The following ANTXR2 variants were observed in gnomAD, a reference collection of about 807,000 sequenced individuals.
ANTXR2 encodes anthrax toxin receptor 2.
Under a neutral mutation model 73.7 loss-of-function variants are expected in ANTXR2, and 44 were observed. That is an observed-to-expected ratio of 0.60 (90% CI 0.47 to 0.77). The LOEUF (loss-of-function observed/expected upper bound fraction) is 0.77. Among genes scored for constraint, ANTXR2 ranks in the 30% least tolerant of loss-of-function variants. The probability of loss-of-function intolerance (pLI) is 0.00; values close to 1 mark genes in which losing one functional copy is unlikely to be tolerated. For synonymous variants in ANTXR2, 217 were observed against 205.9 expected (o/e 1.05, Z -0.46); for missense variants, 604 against 592.5 (o/e 1.02, Z -0.20).
chr4:80,046,528 A>AT (rs762696961), intron 7 of ANTXR2, among the ~76,000 whole-genome samples: 3 of 151,736 alleles, frequency 2.0e-5, no homozygotes, highest in Non-Finnish European at 2.9e-5. Context: ...TCATGGTATA[A>AT]TTTTCACTCT....
chr4:79,977,520 G>A, intron 16 of ANTXR2, 101 bp downstream of exon 16: 1 of 1,507,968 alleles, frequency 6.6e-7, no homozygotes, highest in East Asian at 2.5e-5. Flanking sequence ...CCTTCCTCAA[G>A]TGCAATAGGG....
At chr4:80,049,059 G>A (rs7668399) in intron 7 of ANTXR2, among the ~76,000 whole-genome samples, 71,565 of 151,244 alleles carry the variant, frequency 0.47, 17,339 homozygotes, top group Non-Finnish European at 0.52. Context: ...TTTGGACAAG[G>A]GTTATTTATA....
Position 80,031,693 on chromosome 4 carries a change from C to A in ANTXR2, c.797-1G>T. 6.8e-7 allele frequency: 1 copy of A among 1,464,916 alleles called. No homozygotes were observed. The highest frequency in any genetic ancestry group is 9.0e-7 in the Non-Finnish European group (1 of 1,110,700). The allele number at this position is 1,464,916 out of a possible 1,614,324, so 90.7% of individuals were successfully genotyped here. A position where few individuals can be genotyped will look rare whatever the true frequency, so the allele number is the denominator to read the frequency against. ...AGCTGTACACTTACTGGTTTTACAC[C>A]TAGAAAATAAAATGCCACTGAATTA... On this transcript the variant is annotated splice_acceptor_variant, in intron 9 of 16. Coordinates refer to ENST00000403729, the MANE Select transcript of ANTXR2 (RefSeq NM_058172.6). LOFTEE classifies it high-confidence loss of function.
intron 16 of ANTXR2, among the ~76,000 whole-genome samples, chr4:79,932,115 C>T (rs1223453730): frequency 6.6e-6 from 1 of 152,106 alleles, no homozygotes; most frequent in Non-Finnish European, 1.5e-5. Flanking sequence ...CTTGATATAT[C>T]TTGTTCACTG....
At chr4:80,030,609 A>C (rs1252631358) in intron 10 of ANTXR2, among the ~76,000 whole-genome samples, 1 of 152,114 alleles carries the variant, frequency 6.6e-6, no homozygotes, top group Admixed American at 6.6e-5. Flanking sequence ...TTTAAAACAG[A>C]AAGCTGATAC....
Position 79,978,030 on chromosome 4 carries a change from T to C in ANTXR2, c.1324A>G (p.Thr442Ala). The part of the protein sequence containing the change: ...RPKPTHQPPQ[T>A]KWYTPIKGRL... Reference sequence around the variant, plus strand: ...ACCTTAATTGGGGTGTACCATTTTGTCTGAGGAGGCTGGTGTGTGGGTTTG... The same window carrying C: ...ACCTTAATTGGGGTGTACCATTTTGCCTGAGGAGGCTGGTGTGTGGGTTTG... The change falls in exon 15 of 17, where the codon ACA becomes GCA. Residue 442 changes from threonine (T) to alanine (A), a missense_variant. Thr to Ala is a moderately conservative substitution (Grantham distance 58). Transcript: ENST00000403729. The C allele has an allele frequency of 6.2e-7, 1 of 1,603,308 alleles. No individual in the cohort carries two copies. The highest frequency in any genetic ancestry group is 8.5e-7 in the Non-Finnish European group (1 of 1,176,648).
At chr4:79,999,660 T>G (rs1001446996) in intron 12 of ANTXR2, among the ~76,000 whole-genome samples, 4 of 152,092 alleles carry the variant, frequency 2.6e-5, no homozygotes, top group Non-Finnish European at 4.4e-5. Context: ...GAAATATGTA[T>G]GTTTCTTTAT....
intron 3 of ANTXR2, among the ~76,000 whole-genome samples, chr4:80,056,589 T>A (rs962867995): frequency 2.0e-5 from 3 of 151,890 alleles, no homozygotes; most frequent in African/African-American, 4.8e-5. Context: ...CCCTTGAACA[T>A]AGTAGGTACT....
In ANTXR2 at chr4:79,924,365, C is replaced by T. The variant is rs546962493; in HGVS notation, c.1429-16898G>A. On this transcript the variant is annotated intron_variant, in intron 16 of 16. Transcript: ENST00000403729. ...AAGGCCAGGTGCAAAGTGACTCAAG[C>T]CTGTAATTCCAGAACTTTGGGAGGC... Among the ~76,000 whole-genome samples the T allele has an allele frequency of 2.6e-3, 388 of 152,140 alleles. 3 individuals carry two copies. Among genetic ancestry groups the T allele is most frequent in the African/African-American group, 8.7e-3 (363 of 41,528 alleles).
intron 3 of ANTXR2, among the ~76,000 whole-genome samples, chr4:80,065,658 A>G (rs1188785145): frequency 6.6e-6 from 1 of 152,226 alleles, no homozygotes; most frequent in East Asian, 1.9e-4. Context: ...ATGCATTTAC[A>G]TAGTACCGGA....
chr4:80,037,477 T>C (rs915933519), intron 7 of ANTXR2, among the ~76,000 whole-genome samples: 1 of 152,160 alleles, frequency 6.6e-6, no homozygotes, highest in African/African-American at 2.4e-5. Context: ...ATTTTGTGAT[T>C]AGAAAACAAA....
intron 16 of ANTXR2, among the ~76,000 whole-genome samples, chr4:79,919,865 T>TA (rs1727507232): frequency 5.6e-5 from 1 of 17,850 alleles, no homozygotes; most frequent in Non-Finnish European, 1.0e-4. Flanking sequence ...AATACATATT[T>TA]TATATATATA....
At chr4:80,060,311 A>C (rs546575838) in intron 3 of ANTXR2, among the ~76,000 whole-genome samples, 1 of 152,306 alleles carries the variant, frequency 6.6e-6, no homozygotes, top group South Asian at 2.1e-4. Flanking sequence ...GGTCAGGGTT[A>C]TCACTGGCCT....
intron 7 of ANTXR2, 136 bp from the exon 8 acceptor site, chr4:80,036,168 C>T (rs931471372): frequency 7.3e-5 from 51 of 695,910 alleles, no homozygotes; most frequent in Middle Eastern, 3.9e-4. Flanking sequence ...TTAACTATAG[C>T]GTGTACAGCT....
chr4:79,946,744 A>C (rs1392665539), intron 16 of ANTXR2, among the ~76,000 whole-genome samples: 1 of 152,176 alleles, frequency 6.6e-6, no homozygotes, highest in African/African-American at 2.4e-5. Flanking sequence ...TTTATAAGAA[A>C]AACACGAATA....
intron 12 of ANTXR2, among the ~76,000 whole-genome samples, chr4:79,991,760 A>G (rs1730482776): frequency 1.3e-5 from 2 of 152,172 alleles, no homozygotes; most frequent in Non-Finnish European, 2.9e-5. Flanking sequence ...ACCAGTGAAT[A>G]CTAAACAGCT....
At chr4:80,058,969 T>C (rs1018725940) in intron 3 of ANTXR2, among the ~76,000 whole-genome samples, 4 of 152,216 alleles carry the variant, frequency 2.6e-5, no homozygotes, top group South Asian at 2.1e-4. Flanking sequence ...GTAGTTGCTA[T>C]GTACTTCCTC....
intron 16 of ANTXR2, among the ~76,000 whole-genome samples, chr4:79,915,364 C>T (rs1333219492): frequency 1.3e-5 from 2 of 152,082 alleles, no homozygotes; most frequent in Non-Finnish European, 2.9e-5. Flanking sequence ...TCATGTCTCC[C>T]ATCTCTTGAG....
chr4:80,067,221 A>G lies in ANTXR2; in HGVS notation c.296+2215T>C, dbSNP rs532207391. On this transcript the variant is annotated intron_variant, in intron 3 of 16. Transcript: ENST00000403729. Reference sequence around the variant, plus strand: ...ACTCTGTCTCACAAAAAAAAAAAAGAAAGAAAGAAAGGCCTCTTCTGTAAC... The same window carrying G: ...ACTCTGTCTCACAAAAAAAAAAAAGGAAGAAAGAAAGGCCTCTTCTGTAAC... Among the ~76,000 whole-genome samples, 4 of 149,368 alleles carry G rather than the reference A, an allele frequency of 2.7e-5. No individual in the cohort carries two copies. In the Admixed American group the frequency reaches 2.7e-4, roughly 10 times the overall value.
Sources: allele counts gnomAD v4.1 joint callset (sites outside exome capture counted in the v4.1 genomes callset), GRCh38; gene constraint gnomAD v4.1.1; transcripts MANE v1.5; gene names NCBI Gene and HGNC (gene_info 2026-07-23, HGNC 2026-07-21).